Variants in RALYL observed in about 807,000 individuals in gnomAD.
The protein encoded by RALYL is RALY RNA binding protein like, also known as RNA-binding Raly-like protein.
In RALYL, 29 loss-of-function variants were observed where a neutral mutation model predicts 35.1. The ratio of observed to expected loss-of-function variants is 0.83; its 90% CI spans 0.61 to 1.13. RALYL has a LOEUF of 1.13. RALYL is among the 50% of genes most tolerant of loss of function. The pLI is 0.00. For missense variants in RALYL, 359 were observed against 360.4 expected (o/e 1.00, Z 0.03); for synonymous variants, 120 against 127.6 (o/e 0.94, Z 0.40).
At chr8:84,910,340 C>T (rs1847291322) in intron 8 of RALYL, among the ~76,000 whole-genome samples, 1 of 152,012 alleles carries the variant, frequency 6.6e-6, no homozygotes, top group Non-Finnish European at 1.5e-5. Flanking sequence ...TTCTTCTACT[C>T]TGTTAGTCAT....
intron 2 of RALYL, among the ~76,000 whole-genome samples, chr8:84,767,231 G>A (rs1222426867): frequency 6.6e-6 from 1 of 152,166 alleles, no homozygotes; most frequent in African/African-American, 2.4e-5. Context: ...TTTGCCTCAA[G>A]TTAGAATAGG....
Position 84,532,756 on chromosome 8 carries a change from A to G in RALYL, c.256+3179A>G, listed in dbSNP as rs546444712. 2.8e-4 allele frequency among the ~76,000 whole-genome samples: 42 copies of G among 152,218 alleles called. No individual in the cohort carries two copies. In the South Asian group the frequency reaches 8.5e-3, roughly 31 times the overall value. On this transcript the variant is annotated intron_variant, in intron 2 of 8. Transcript: ENST00000521268. ...TACTGCATGTTTAAAATATTTATATATGATTTAGAGATTAAAAATTAAACA... is the reference window on the plus strand; with the variant it reads ...TACTGCATGTTTAAAATATTTATATGTGATTTAGAGATTAAAAATTAAACA...
At chr8:84,796,424 C>A (rs901781559) in intron 3 of RALYL, among the ~76,000 whole-genome samples, 1 of 152,036 alleles carries the variant, frequency 6.6e-6, no homozygotes, top group Non-Finnish European at 1.5e-5. Context: ...CCATGAATAT[C>A]CTTTCCCTAT....
intron 1 of RALYL, among the ~76,000 whole-genome samples, chr8:84,494,591 T>C (rs1182205980): frequency 6.6e-6 from 1 of 152,138 alleles, no homozygotes; most frequent in Non-Finnish European, 1.5e-5. Flanking sequence ...CAGTGGCTTG[T>C]AGTTCTTGAA....
intron 2 of RALYL, among the ~76,000 whole-genome samples, chr8:84,718,094 T>C (rs1372894859): frequency 6.6e-6 from 1 of 152,194 alleles, no homozygotes; most frequent in Non-Finnish European, 1.5e-5. Flanking sequence ...AGAATTCTTT[T>C]TGTTGTTATG....
At chr8:84,207,818 GTGTATATA>G (rs751622956) in intron 1 of RALYL, among the ~76,000 whole-genome samples, 79 of 136,452 alleles carry the variant, frequency 5.8e-4, no homozygotes, top group African/African-American at 1.4e-3. Flanking sequence ...GTGTGTGTGT[GTGTATATA>G]TATATATATA....
chr8:84,346,154 A>C (rs528910937), intron 1 of RALYL: 1 of 669,832 alleles, frequency 1.5e-6, no homozygotes, highest in African/African-American at 2.0e-5. Flanking sequence ...CTCCATAGTA[A>C]GTGTTCAACA....
intron 1 of RALYL, among the ~76,000 whole-genome samples, chr8:84,238,171 T>C (rs1203220890): frequency 6.6e-6 from 1 of 152,118 alleles, no homozygotes; most frequent in East Asian, 1.9e-4. Flanking sequence ...TATAATGGTC[T>C]ATTATCAGAG....
chr8:84,614,055 G>A (rs183015541), intron 2 of RALYL, among the ~76,000 whole-genome samples: 181 of 150,898 alleles, frequency 1.2e-3, no homozygotes, highest in East Asian at 1.8e-3. Context: ...AGGCCTTAGC[G>A]TCCTCATCTG....
chr8:84,553,607 G>T (rs1309958637), intron 2 of RALYL, among the ~76,000 whole-genome samples: 2 of 151,950 alleles, frequency 1.3e-5, no homozygotes. Flanking sequence ...ACCTCAAATT[G>T]TTTCAAGGTA....
intron 1 of RALYL, among the ~76,000 whole-genome samples, chr8:84,327,306 T>C (rs541469433): frequency 2.6e-5 from 4 of 152,140 alleles, no homozygotes; most frequent in African/African-American, 9.6e-5. Context: ...GGTGGTCTGA[T>C]ACACAAGAAA....
At chr8:84,649,338 G>A (rs1828191221) in intron 2 of RALYL, among the ~76,000 whole-genome samples, 1 of 151,924 alleles carries the variant, frequency 6.6e-6, no homozygotes, top group Non-Finnish European at 1.5e-5. Flanking sequence ...TGGTGTTTTA[G>A]ACATGAAGTC....
chr8:84,586,056 G>A (rs1002619913), intron 2 of RALYL, among the ~76,000 whole-genome samples: 29 of 151,944 alleles, frequency 1.9e-4, no homozygotes, highest in African/African-American at 2.7e-4. Flanking sequence ...TTAGCTGGGC[G>A]TGGTGGCACA....
chr8:84,725,193 G>C (rs781613177), intron 2 of RALYL, among the ~76,000 whole-genome samples: 8 of 151,668 alleles, frequency 5.3e-5, no homozygotes, highest in Non-Finnish European at 7.4e-5. Context: ...CATTTTGATA[G>C]TTTAGGCAGA....
At chr8:84,499,548 C>A (rs892607052) in intron 1 of RALYL, among the ~76,000 whole-genome samples, 1 of 152,042 alleles carries the variant, frequency 6.6e-6, no homozygotes, top group Non-Finnish European at 1.5e-5. Context: ...CAACAGAGAC[C>A]TGTTATATAA....
At chr8:84,749,217 A>G (rs559599584) in intron 2 of RALYL, among the ~76,000 whole-genome samples, 105 of 152,286 alleles carry the variant, frequency 6.9e-4, no homozygotes, top group Middle Eastern at 3.4e-3. Flanking sequence ...CCTTTTTCCA[A>G]TGGTTCTCAG....
At chr8:84,420,107 T>C (rs1373858419) in intron 1 of RALYL, among the ~76,000 whole-genome samples, 1 of 151,778 alleles carries the variant, frequency 6.6e-6, no homozygotes, top group East Asian at 1.9e-4. Context: ...TCTAGATCCC[T>C]GAGGAATCGC....
In RALYL at chr8:84,385,736, GACA is replaced by G. The variant is rs779011421; in HGVS notation, c.-23-143562_-23-143560del. ...CTGTATGGCTTTCCTAGCTGCACCT[GACA>G]GGGCTAGCTAGCCTTTGATGTTATG... On this transcript the variant is annotated intron_variant, in intron 1 of 8. Transcript: ENST00000521268. Among the ~76,000 whole-genome samples, 1,143 of 151,934 alleles carry G rather than the reference GACA, an allele frequency of 7.5e-3. 5 individuals are homozygous for G. The highest frequency in any genetic ancestry group is 0.024 in the Middle Eastern group (7 of 294).
At chr8:84,852,564 T>A (rs930647595) in intron 5 of RALYL, among the ~76,000 whole-genome samples, 1 of 152,194 alleles carries the variant, frequency 6.6e-6, no homozygotes, top group Non-Finnish European at 1.5e-5. Context: ...TTATACTCTG[T>A]CTATATAAAA....
Sources: gnomAD v4.1 joint callset for allele counts (sites outside exome capture counted in the v4.1 genomes callset) on GRCh38, gnomAD v4.1.1 for gene constraint, MANE v1.5 for transcripts, NCBI Gene and HGNC (gene_info 2026-07-23, HGNC 2026-07-21) for gene names.